MYO1E: variants seen among roughly 807,000 people sequenced by gnomAD.
MYO1E encodes the protein unconventional myosin-Ie.
MYO1E carries 68 observed loss-of-function variants against 151.1 expected under a neutral mutation model. The ratio of observed to expected loss-of-function variants is 0.45; its 90% CI spans 0.37 to 0.55. The LOEUF is 0.55. Among genes scored for constraint, MYO1E ranks in the 20% least tolerant of loss-of-function variants. The pLI is 0.00. For missense variants in MYO1E, 1,363 were observed against 1,389.3 expected (o/e 0.98, Z 0.30); for synonymous variants, 601 against 501.7 (o/e 1.20, Z -2.64).
At chr15:59,265,725 G>C (rs1279533531) in intron 2 of MYO1E, among the ~76,000 whole-genome samples, 2 of 149,550 alleles carry the variant, frequency 1.3e-5, no homozygotes, top group Non-Finnish European at 3.0e-5. Context: ...GGGAGGACAA[G>C]TGGGATGATT....
intron 1 of MYO1E, among the ~76,000 whole-genome samples, chr15:59,302,621 C>G (rs1163842096): frequency 6.6e-6 from 1 of 152,104 alleles, no homozygotes; most frequent in African/African-American, 2.4e-5. Flanking sequence ...TTTGACTAGG[C>G]GCTGCATGCC....
At chr15:59,193,773 A>G (rs2079748594) in intron 17 of MYO1E, among the ~76,000 whole-genome samples, 1 of 152,244 alleles carries the variant, frequency 6.6e-6, no homozygotes, top group Non-Finnish European at 1.5e-5. Context: ...AGAGCTGGTC[A>G]CCTTAGCAAG....
At chr15:59,247,713 G>A (rs2080138601) in intron 4 of MYO1E, among the ~76,000 whole-genome samples, 1 of 152,242 alleles carries the variant, frequency 6.6e-6, no homozygotes, top group South Asian at 2.1e-4. Context: ...ATGCTCCAAG[G>A]CCACCACAAA....
At chr15:59,268,718 G>GTTTTTTTTTTTTTTTTTTTT (rs1452818863) in intron 2 of MYO1E, among the ~76,000 whole-genome samples, 147 of 11,970 alleles carry the variant, frequency 0.012, 3 homozygotes, top group Non-Finnish European at 0.035. Context: ...GGTGACTTTG[G>GTTTTTTTTTTTTTTTTTTTT]TATTTTTTTT....
At chr15:59,355,286 A>G (rs1389546849) in intron 1 of MYO1E, among the ~76,000 whole-genome samples, 1 of 152,092 alleles carries the variant, frequency 6.6e-6, no homozygotes, top group Non-Finnish European at 1.5e-5. Context: ...GAGGGCCCCA[A>G]TTTACCTTGC....
At chr15:59,166,825 C>T (rs1468881043) in intron 22 of MYO1E, among the ~76,000 whole-genome samples, 1 of 152,180 alleles carries the variant, frequency 6.6e-6, no homozygotes, top group Non-Finnish European at 1.5e-5. Context: ...AGAAGCTTCA[C>T]CTGACCCGCA....
intron 6 of MYO1E, among the ~76,000 whole-genome samples, chr15:59,229,651 G>A (rs1472010020): frequency 2.0e-5 from 3 of 151,964 alleles, no homozygotes; most frequent in Admixed American, 6.6e-5. Context: ...TTTTTAAATC[G>A]TGTTTGAAGT....
chr15:59,371,826 G>T (rs1183739639), intron 1 of MYO1E, among the ~76,000 whole-genome samples: 1 of 151,548 alleles, frequency 6.6e-6, no homozygotes, highest in Non-Finnish European at 1.5e-5. Flanking sequence ...CAGGTCCGGG[G>T]CGGCGTGGTT....
intron 1 of MYO1E, among the ~76,000 whole-genome samples, chr15:59,332,854 C>A (rs571076798): frequency 6.6e-6 from 1 of 152,054 alleles, no homozygotes; most frequent in Non-Finnish European, 1.5e-5. Context: ...TGAGCCACCA[C>A]GACCGGCCCT....
At chr15:59,335,995 G>A (rs1347579572) in intron 1 of MYO1E, among the ~76,000 whole-genome samples, 2 of 150,488 alleles carry the variant, frequency 1.3e-5, no homozygotes, top group African/African-American at 4.9e-5. Flanking sequence ...CAACTCAAGT[G>A]TGCTACCCCC....
At chr15:59,236,747 A>T in intron 4 of MYO1E, 75 bp from the exon 5 acceptor site, 1 of 1,292,232 alleles carries the variant, frequency 7.7e-7, no homozygotes, top group Non-Finnish European at 1.1e-6. Context: ...CCCCCATCAC[A>T]CAAAACAAAC....
chr15:59,161,164 C>G lies in MYO1E; in HGVS notation c.2694G>C (p.Gln898His), dbSNP rs760921930. Residue 898 changes from glutamine to histidine, a missense_variant, in exon 24 of 28, where the codon CAG (glutamine) becomes CAC (histidine). Physicochemically the swap from Gln to His is conservative, Grantham distance 24 (BLOSUM62 0). Coordinates refer to ENST00000288235, the MANE Select transcript of MYO1E (RefSeq NM_004998.4). ...PWSAGGSRQV[Q>H]FHQGFGDLAV... ...CCAGGTCCCCAAACCCTTGGTGGAACTGCACTTGCCGGGAGCCCCCTGCAC... is the reference window on the plus strand; with the variant it reads ...CCAGGTCCCCAAACCCTTGGTGGAAGTGCACTTGCCGGGAGCCCCCTGCAC... 3.1e-6 allele frequency: 5 copies of G among 1,614,016 alleles called. No individual in the cohort carries two copies. The African/African-American group carries it at 4.0e-5, about 13-fold the overall frequency.
intron 18 of MYO1E, among the ~76,000 whole-genome samples, chr15:59,185,576 T>G (rs56356261): frequency 6.6e-6 from 1 of 152,188 alleles, no homozygotes; most frequent in African/African-American, 2.4e-5. Context: ...CCCTCTTAAT[T>G]AAAAAAGGGT....
chr15:59,210,980 T>C (rs974871425), intron 12 of MYO1E, among the ~76,000 whole-genome samples: 3 of 152,010 alleles, frequency 2.0e-5, no homozygotes, highest in African/African-American at 7.3e-5. Flanking sequence ...GGTGGGCGGA[T>C]CACAAGGTCA....
intron 4 of MYO1E, among the ~76,000 whole-genome samples, chr15:59,250,343 C>T (rs1031233103): frequency 1.6e-4 from 24 of 152,084 alleles, no homozygotes; most frequent in African/African-American, 5.1e-4. Context: ...GCCAGGCAGG[C>T]GGTGCGTGAT....
chr15:59,288,303 G>A (rs1405491523), intron 1 of MYO1E, among the ~76,000 whole-genome samples: 2 of 152,302 alleles, frequency 1.3e-5, no homozygotes, highest in East Asian at 3.9e-4. Context: ...GGCCTACCGA[G>A]TAGCTGGGAC....
At chr15:59,179,907 G>A (rs772130143) in intron 18 of MYO1E, among the ~76,000 whole-genome samples, 3 of 152,256 alleles carry the variant, frequency 2.0e-5, no homozygotes, top group Non-Finnish European at 4.4e-5. Flanking sequence ...GCCCACGTGA[G>A]AGCACATCCA....
intron 1 of MYO1E, among the ~76,000 whole-genome samples, chr15:59,368,372 A>T (rs1002407547): frequency 4.6e-5 from 7 of 152,062 alleles, no homozygotes; most frequent in Non-Finnish European, 8.8e-5. Flanking sequence ...TCACTTTGGG[A>T]GGCCGAGGCA....
At chr15:59,249,789 T>C (rs2080153118) in intron 4 of MYO1E, among the ~76,000 whole-genome samples, 1 of 152,210 alleles carries the variant, frequency 6.6e-6, no homozygotes, top group African/African-American at 2.4e-5. Flanking sequence ...GTTTGTTTTC[T>C]GCTCACAAAC....
Sources: allele counts gnomAD v4.1 joint callset (sites outside exome capture counted in the v4.1 genomes callset), GRCh38; gene constraint gnomAD v4.1.1; transcripts MANE v1.5; gene names NCBI Gene and HGNC (gene_info 2026-07-23, HGNC 2026-07-21).